Variants in B3GALT1 observed in about 807,000 individuals in gnomAD.
B3GALT1 encodes the protein UDP-Gal:betaGlcNAc beta 1,3-galactosyltransferase, polypeptide 1.
A neutral mutation model predicts 23.2 loss-of-function variants in B3GALT1; 10 were observed. The ratio of observed to expected loss-of-function variants is 0.43; its 90% CI spans 0.27 to 0.73. The LOEUF (loss-of-function observed/expected upper bound fraction) is 0.73. Among genes scored for constraint, B3GALT1 ranks in the 30% least tolerant of loss-of-function variants. B3GALT1 has a pLI of 0.21. For synonymous variants in B3GALT1, 156 were observed against 141.5 expected (o/e 1.10, Z -0.73); for missense variants, 299 against 405.4 (o/e 0.74, Z 2.25).
chr2:167,494,932 A>G (rs993902271), intron 2 of B3GALT1, among the ~76,000 whole-genome samples: 3 of 152,164 alleles, frequency 2.0e-5, no homozygotes, highest in Admixed American at 2.0e-4. Flanking sequence ...ATGTTGTACC[A>G]TTGGCTTTAC....
intron 1 of B3GALT1, among the ~76,000 whole-genome samples, chr2:167,314,433 C>G (rs1318069838): frequency 6.6e-6 from 1 of 152,102 alleles, no homozygotes; most frequent in Non-Finnish European, 1.5e-5. Flanking sequence ...TGTTTCTCTG[C>G]TCATATATGT....
intron 2 of B3GALT1, among the ~76,000 whole-genome samples, chr2:167,538,224 C>T (rs1683462742): frequency 6.6e-6 from 1 of 152,050 alleles, no homozygotes; most frequent in African/African-American, 2.4e-5. Flanking sequence ...AGATTTATGC[C>T]ACATCTGGAT....
chr2:167,802,388 C>T (rs1688655667), intron 3 of B3GALT1, among the ~76,000 whole-genome samples: 1 of 152,178 alleles, frequency 6.6e-6, no homozygotes, highest in Admixed American at 6.5e-5. Context: ...CTATTGATCT[C>T]ATTTTGTGTG....
At chr2:167,412,173 A>G (rs746574251) in intron 1 of B3GALT1, among the ~76,000 whole-genome samples, 1 of 152,242 alleles carries the variant, frequency 6.6e-6, no homozygotes, top group Non-Finnish European at 1.5e-5. Flanking sequence ...CTAAATACCT[A>G]TATATTTTGA....
chr2:167,553,184 T>G (rs1242928585), intron 2 of B3GALT1, among the ~76,000 whole-genome samples: 1 of 152,154 alleles, frequency 6.6e-6, no homozygotes, highest in African/African-American at 2.4e-5. Flanking sequence ...TCTAAAACAC[T>G]TAGATCTTAG....
intron 1 of B3GALT1, among the ~76,000 whole-genome samples, chr2:167,414,994 T>C (rs1468358808): frequency 6.6e-6 from 1 of 152,248 alleles, no homozygotes; most frequent in Non-Finnish European, 1.5e-5. Context: ...GTTTATTAGA[T>C]GTCTTACATG....
At chr2:167,396,152 A>T (rs948936313) in intron 1 of B3GALT1, among the ~76,000 whole-genome samples, 1 of 152,168 alleles carries the variant, frequency 6.6e-6, no homozygotes, top group Admixed American at 6.5e-5. Flanking sequence ...CTGGAAATAC[A>T]ACCAAATAAT....
chr2:167,592,407 GCTGCAT>G (rs1484504060), intron 2 of B3GALT1, among the ~76,000 whole-genome samples: 1 of 152,164 alleles, frequency 6.6e-6, no homozygotes, highest in Non-Finnish European at 1.5e-5. Flanking sequence ...GGAGGGAGGT[GCTGCAT>G]GTCTTTATCA....
At chr2:167,631,108 T>C (rs1194754067) in intron 2 of B3GALT1, among the ~76,000 whole-genome samples, 1 of 151,970 alleles carries the variant, frequency 6.6e-6, no homozygotes, top group Non-Finnish European at 1.5e-5. Flanking sequence ...TCTTTTTTAA[T>C]GTTTAAATAA....
At chr2:167,322,166 A>G (rs1696824758) in intron 1 of B3GALT1, among the ~76,000 whole-genome samples, 1 of 151,990 alleles carries the variant, frequency 6.6e-6, no homozygotes, top group Non-Finnish European at 1.5e-5. Flanking sequence ...GTTAAAATGT[A>G]TTCCTAATTT....
At chr2:167,642,674 G>C (rs551665525) in intron 2 of B3GALT1, among the ~76,000 whole-genome samples, 1 of 152,114 alleles carries the variant, frequency 6.6e-6, no homozygotes, top group Non-Finnish European at 1.5e-5. Flanking sequence ...AGAGGAGCAA[G>C]GCTAAATATA....
rs75267762 is a variant in B3GALT1, at chr2:167,817,134, G to C, written c.-351-1538G>C. Among the ~76,000 whole-genome samples, 748 of 152,328 alleles carry C rather than the reference G, an allele frequency of 4.9e-3. 7 individuals are homozygous for C. The highest frequency in any genetic ancestry group is 0.017 in the African/African-American group (701 of 41,578). On this transcript the variant is annotated intron_variant, in intron 3 of 4. Coordinates refer to ENST00000392690, the MANE Select transcript of B3GALT1 (RefSeq NM_020981.4). ...CACTGGAGAGGTAGGTTAAGCAGCT[G>C]TCTAGGCTGAGTAGATCTAAGTTCA...
At chr2:167,631,769 C>CTT (rs558837779) in intron 2 of B3GALT1, among the ~76,000 whole-genome samples, 1 of 120,596 alleles carries the variant, frequency 8.3e-6, no homozygotes, top group Non-Finnish European at 1.7e-5. Flanking sequence ...CTTTTCTTTT[C>CTT]TTTTTTTTTT....
At chr2:167,358,672 A>G (rs1005240983) in intron 1 of B3GALT1, among the ~76,000 whole-genome samples, 2 of 152,084 alleles carry the variant, frequency 1.3e-5, no homozygotes, top group Admixed American at 6.6e-5. Flanking sequence ...AACACTATAT[A>G]CTATACACTA....
chr2:167,774,497 GTTT>G (rs397986581), intron 3 of B3GALT1, among the ~76,000 whole-genome samples: 1 of 82,992 alleles, frequency 1.2e-5, no homozygotes, highest in Non-Finnish European at 2.2e-5. Flanking sequence ...TTTTTTTTTT[GTTT>G]TTTTTTTTTT....
intron 3 of B3GALT1, among the ~76,000 whole-genome samples, chr2:167,746,254 C>A (rs371050553): frequency 1.8e-4 from 27 of 152,236 alleles, no homozygotes; most frequent in African/African-American, 6.3e-4. Flanking sequence ...CCTTCCAAGT[C>A]TTATATGAGG....
chr2:167,865,168 G>C (rs991798796), intron 4 of B3GALT1, among the ~76,000 whole-genome samples: 1 of 152,174 alleles, frequency 6.6e-6, no homozygotes, highest in Non-Finnish European at 1.5e-5. Flanking sequence ...CAGCACTTCA[G>C]GAGGCCGAGG....
intron 3 of B3GALT1, among the ~76,000 whole-genome samples, chr2:167,746,822 G>A (rs1687660263): frequency 6.6e-6 from 1 of 152,178 alleles, no homozygotes; most frequent in Admixed American, 6.5e-5. Flanking sequence ...CTTTCCCACA[G>A]ATTGTGAATC....
At chr2:167,362,345 C>T (rs1697512107) in intron 1 of B3GALT1, among the ~76,000 whole-genome samples, 1 of 152,078 alleles carries the variant, frequency 6.6e-6, no homozygotes, top group African/African-American at 2.4e-5. Context: ...GCTATGCTAG[C>T]CTTTATTCAC....
Sources: allele counts gnomAD v4.1 joint callset (sites outside exome capture counted in the v4.1 genomes callset), GRCh38; gene constraint gnomAD v4.1.1; transcripts MANE v1.5; gene names NCBI Gene and HGNC (gene_info 2026-07-23, HGNC 2026-07-21).